PSG1: variants seen among roughly 807,000 people sequenced by gnomAD.
The protein encoded by PSG1 is pregnancy specific beta-1-glycoprotein 1, also known as pregnancy-specific beta-1-glycoprotein 1.
PSG1 carries 60 observed loss-of-function variants against 41.4 expected under a neutral mutation model. The observed-to-expected ratio is 1.45, with a 90% CI of 1.18 to 1.80. The LOEUF is 1.80. PSG1 is among the 40% of genes most tolerant of loss of function. PSG1 has a pLI of 0.00. For missense variants in PSG1, 806 were observed against 516.9 expected (o/e 1.56, Z -5.42); for synonymous variants, 256 against 192.9 (o/e 1.33, Z -2.71).
Position 42,872,011 on chromosome 19 carries a change from G to A in PSG1, c.465C>T (p.Asn155=), listed in dbSNP as rs1971412897. 2 of 1,612,290 alleles carry A rather than the reference G, an allele frequency of 1.2e-6. No individual in the cohort carries two copies. The highest frequency in any genetic ancestry group is 1.7e-5 in the Admixed American group (1 of 59,858). The stretch of plus-strand genomic sequence containing the variant: ...CCTCCATGGTCTCCCTGGGATTTAA[G>A]TTGCTGCTGGAGATGGAGGGCTTAG... ...ETPKPSISSS[N]LNPRETMEAV... is the part of the protein sequence containing the mutation. The change falls in exon 3 of 6, where the codon AAC becomes AAT. Residue 155 remains asparagine, a synonymous_variant. Transcript: ENST00000436291.
rs1181878541 is a variant in PSG1 at position 42,877,980 on chromosome 19, G to A, written c.363C>T (p.Thr121=). 1.9e-5 allele frequency: 31 copies of A among 1,612,282 alleles called. 3 individuals carry two copies. Among genetic ancestry groups the A allele is most frequent in the Admixed American group, 5.0e-5 (3 of 59,874 alleles). The change falls in exon 2 of 6, where the codon ACC becomes ACT. Residue 121 remains threonine (T), a synonymous_variant. Coordinates refer to ENST00000436291, the MANE Select transcript of PSG1 (RefSeq NM_001184825.2). ...CATCATCTCCCTTTATGATGTGTAA[G>A]GTGTAGGATCCTGCGTCCTCCCGGG... The part of the protein sequence containing the change: ...NVTREDAGSY[T]LHIIKGDDGT...
At chr19:42,879,218 T>G (rs1351015442) in intron 1 of PSG1, among the ~76,000 whole-genome samples, 1 of 150,362 alleles carries the variant, frequency 6.7e-6, no homozygotes, top group African/African-American at 2.5e-5. Flanking sequence ...GGTGGTGCTA[T>G]CTCAGCTATC....
Position 42,868,227 on chromosome 19 carries a change from G to A in PSG1, c.1117C>T (p.Gln373Ter), listed in dbSNP as rs778591983. The A allele has an allele frequency of 3.7e-6, 6 of 1,612,408 alleles. 1 individual carries two copies. Among genetic ancestry groups the A allele is most frequent in the Non-Finnish European group, 5.1e-6 (6 of 1,179,168 alleles). ...ATAAAGAGCTTTTGTCCTGGTAGCT[G>A]AAACTTTTCATTAATTGTCCAAGAA... ...QYSWTINEKF[Q>*]LPGQKLFIRH... Residue 373 changes from glutamine (Q) to a stop codon, truncating the protein, a stop_gained, in exon 5 of 6, where the codon CAG becomes TAG. Transcript: ENST00000436291. LOFTEE classifies it high-confidence loss of function.
intron 3 of PSG1, chr19:42,869,249 G>C (rs1985621): frequency 0.28 from 302,863 of 1,095,948 alleles, 48,218 homozygotes; most frequent in African/African-American, 0.51. Flanking sequence ...CAGACTTTCT[G>C]AAGTGTCAAT....
In PSG1 at chr19:42,879,499, C is replaced by T. The variant is rs12463071; in HGVS notation, c.64+19G>A. 211,031 of 1,596,970 alleles carry T rather than the reference C, an allele frequency of 0.13. 21,958 individuals are homozygous for T. The highest frequency in any genetic ancestry group is 0.41 in the East Asian group (18,117 of 43,934). On this transcript the variant is annotated intron_variant, in intron 1 of 5. Coordinates refer to ENST00000436291, the MANE Select transcript of PSG1 (RefSeq NM_001184825.2). ...TCTGCTTCCTCCTCCTGTCCTCTCCCAGGAAGTTCTCTCCTCACCTGTGAG... is the reference window on the plus strand; with the variant it reads ...TCTGCTTCCTCCTCCTGTCCTCTCCTAGGAAGTTCTCTCCTCACCTGTGAG...
intron 1 of PSG1, among the ~76,000 whole-genome samples, chr19:42,878,877 G>A (rs973438257): frequency 4.6e-5 from 7 of 151,528 alleles, no homozygotes; most frequent in African/African-American, 1.7e-4. Context: ...CATGCCCTGG[G>A]TGTTTTTTTT....
chr19:42,867,086 T>G lies in PSG1; in HGVS notation c.*48A>C, dbSNP rs775177968. On this transcript the variant is annotated 3_prime_UTR_variant, in exon 6 of 6. Transcript: ENST00000436291. ...GCTTCTGGAACAGAGTGGGTCTTGC[T>G]CTTAGTGATTCCATGGGAGAAAATG... The G allele has an allele frequency of 2.6e-5, 20 of 772,694 alleles. No homozygotes were observed. The Admixed American group carries it at 3.4e-4, about 13-fold the overall frequency. The allele number at this position is 772,694 out of a possible 1,614,324, so 47.9% of individuals were successfully genotyped here. A position where few individuals can be genotyped will look rare whatever the true frequency, so the allele number is the denominator to read the frequency against.
At chr19:42,872,631 A>T (rs186048514) in intron 2 of PSG1, among the ~76,000 whole-genome samples, 13 of 151,722 alleles carry the variant, frequency 8.6e-5, no homozygotes, top group Admixed American at 8.6e-4. Context: ...GAGGTGGGGC[A>T]GTTTTCCCAG....
chr19:42,879,556 C>A lies in PSG1; in HGVS notation c.26G>T (p.Cys9Phe). The stretch of plus-strand genomic sequence containing the variant: ...CCCCTTCCATTTGATGCGCTGTGTG[C>A]AGGGAGGGGCTGAGAGGGTTCCCAT... MGTLSAPP[C>F]TQRIKWKGLL... Residue 9 changes from cysteine to phenylalanine, a missense_variant, in exon 1 of 6, where the codon TGC becomes TTC. Transcript: ENST00000436291. 2 of 1,610,750 alleles carry A rather than the reference C, an allele frequency of 1.2e-6. No individual in the cohort carries two copies. Among genetic ancestry groups the A allele is most frequent in the Non-Finnish European group, 1.7e-6 (2 of 1,178,266 alleles).
At chr19:42,872,879 G>A (rs1375533171) in intron 2 of PSG1, among the ~76,000 whole-genome samples, 2 of 151,834 alleles carry the variant, frequency 1.3e-5, no homozygotes, top group African/African-American at 2.4e-5. Flanking sequence ...TGGAAAGGGC[G>A]ATCATGAACT....
intron 5 of PSG1, chr19:42,867,565 T>C: frequency 3.1e-6 from 2 of 644,234 alleles, no homozygotes; most frequent in South Asian, 3.7e-5. Context: ...TAACCAATGA[T>C]TTCAAATGTG....
At chr19:42,870,978 G>A (rs1210614579) in intron 3 of PSG1, among the ~76,000 whole-genome samples, 1 of 151,642 alleles carries the variant, frequency 6.6e-6, no homozygotes, top group Non-Finnish European at 1.5e-5. Context: ...TGGTTTTGGA[G>A]TAGAAACATA....
chr19:42,867,577 C>A, intron 5 of PSG1: 2 of 652,016 alleles, frequency 3.1e-6, no homozygotes, highest in Non-Finnish European at 5.5e-6. Flanking sequence ...TCAAATGTGT[C>A]ATGTTACAAA....
chr19:42,866,971 A>G lies in PSG1; in HGVS notation c.*163T>C. 3 of 759,968 alleles carry G rather than the reference A, an allele frequency of 3.9e-6. No individual in the cohort carries two copies. Among genetic ancestry groups the G allele is most frequent in the Non-Finnish European group, 7.2e-6 (3 of 415,396 alleles). 47.1% of individuals were successfully genotyped at this position (759,968 alleles called of 1,614,324 possible). A position where few individuals can be genotyped will look rare whatever the true frequency, so the allele number is the denominator to read the frequency against. On this transcript the variant is annotated 3_prime_UTR_variant, in exon 6 of 6. Transcript: ENST00000436291. ...TGAGCATCTGTTGTTATGGTGTCGA[A>G]TATTTTGGTGAGTTCTGAGTGGCTC...
intron 2 of PSG1, 28 bp from the exon 3 acceptor site, chr19:42,872,073 C>A (rs776822711): frequency 1.3e-6 from 2 of 1,595,234 alleles, no homozygotes; most frequent in East Asian, 2.2e-5. Flanking sequence ...TGAAGATTGC[C>A]GTGTGTGGCG....
rs755231944 is a variant in PSG1, at chr19:42,868,349, G to A, written c.995C>T (p.Pro332Leu). ...TGAAGGGTAAATTCTGGGGAGGTCT[G>A]GACCATCTGGAGCAAAGAGAATAAA... The part of the protein sequence containing the change: ...DPVTLNVLYG[P>L]DLPRIYPSFT... Residue 332 changes from proline to leucine, a missense_variant, in exon 5 of 6, where the codon CCA becomes CTA. Transcript: ENST00000436291. The A allele has an allele frequency of 6.2e-6, 10 of 1,608,072 alleles. No homozygotes were observed. Among genetic ancestry groups the A allele is most frequent in the Non-Finnish European group, 7.7e-6 (9 of 1,176,306 alleles).
chr19:42,869,208 G>A (rs994390226), intron 3 of PSG1, 174 bp from the exon 4 acceptor site: 7 of 1,385,570 alleles, frequency 5.1e-6, no homozygotes, highest in African/African-American at 2.9e-5. Context: ...CTCAAAGACT[G>A]TGAGGCCGCC....
chr19:42,878,294 A>T lies in PSG1; in HGVS notation c.65-16T>A. The T allele has an allele frequency of 6.3e-7, 1 of 1,595,160 alleles. No homozygotes were observed. Among genetic ancestry groups the T allele is most frequent in the Non-Finnish European group, 8.5e-7 (1 of 1,171,150 alleles). ...AAAAGTGATGCTAGGAGGTGGAGAG[A>T]ACATCAGTCAATATTGAGACCTATG... is the stretch of plus-strand genomic sequence containing the variant. On this transcript the variant is annotated splice_polypyrimidine_tract_variant and intron_variant, in intron 1 of 5. Transcript: ENST00000436291.
In PSG1 at chr19:42,868,081, C is replaced by G. The variant is rs369963338; in HGVS notation, c.1243+20G>C. 181 of 1,612,090 alleles carry G rather than the reference C, an allele frequency of 1.1e-4. 12 individuals are homozygous for G. Among genetic ancestry groups the G allele is most frequent in the South Asian group, 5.4e-4 (49 of 90,800 alleles). ...ACTCCACCTAAAACCCTATTGCCAACGATGCTGGGATCCACTTACCAGAGA... is the reference window on the plus strand; with the variant it reads ...ACTCCACCTAAAACCCTATTGCCAAGGATGCTGGGATCCACTTACCAGAGA... On this transcript the variant is annotated intron_variant, in intron 5 of 5. Coordinates refer to ENST00000436291, the MANE Select transcript of PSG1 (RefSeq NM_001184825.2).
Sources: allele counts gnomAD v4.1 joint callset (sites outside exome capture counted in the v4.1 genomes callset), GRCh38; gene constraint gnomAD v4.1.1; transcripts MANE v1.5; gene names NCBI Gene and HGNC (gene_info 2026-07-23, HGNC 2026-07-21).